The following ZNF81 variants were observed in gnomAD, a reference collection of about 807,000 sequenced individuals.
The protein encoded by ZNF81 is zinc finger protein 81.
ZNF81 carries 5 observed loss-of-function variants against 32.3 expected under a neutral mutation model. That is an observed-to-expected ratio of 0.15 (90% CI 0.08 to 0.33). The LOEUF is 0.33. Among genes scored for constraint, ZNF81 ranks in the 10% least tolerant of loss-of-function variants. The pLI is 1.00. For synonymous variants in ZNF81, 163 were observed against 166.8 expected (o/e 0.98, Z 0.17); for missense variants, 379 against 479.8 (o/e 0.79, Z 1.96).
chrX:47,854,937 T>C (rs782336669), intron 2 of ZNF81, among the ~76,000 whole-genome samples: 32 of 110,046 alleles, frequency 2.9e-4, no homozygotes, highest in Non-Finnish European at 4.9e-4. Flanking sequence ...CTACTAAAAA[T>C]ACAAAATATT....
intron 2 of ZNF81, among the ~76,000 whole-genome samples, chrX:47,876,007 A>C (rs1181862736): frequency 8.9e-6 from 1 of 111,831 alleles, no homozygotes; most frequent in East Asian, 2.8e-4. Context: ...TATGCTAGTT[A>C]ATTGCCTTTA....
intron 2 of ZNF81, among the ~76,000 whole-genome samples, chrX:47,862,764 C>T (rs181404691): frequency 6.4e-4 from 71 of 111,045 alleles, no homozygotes; most frequent in Admixed American, 1.0e-3. Context: ...GAGAGTGCCT[C>T]AGATCTGGAG....
At chrX:47,839,275 A>T (rs1363658719) in intron 1 of ZNF81, among the ~76,000 whole-genome samples, 14 of 112,050 alleles carry the variant, frequency 1.2e-4, no homozygotes, top group African/African-American at 4.5e-4. Context: ...CTTTTTGATC[A>T]TGGCTTCAAT....
chrX:47,901,096 T>TTTTGTTTTTTTATTTTTG (rs1437804684), intron 4 of ZNF81, among the ~76,000 whole-genome samples: 1 of 52,449 alleles, frequency 1.9e-5, no homozygotes, highest in Non-Finnish European at 5.0e-5. Flanking sequence ...ATCTGCCTGC[T>TTTTGTTTTTTTATTTTTG]TTTGTTTTTT....
At position 47,917,405 on chromosome X, in the gene ZNF81, C is replaced by G; in HGVS notation, c.*773C>G. The G allele has an allele frequency of 3.4e-6, 1 of 294,576 alleles. No homozygotes were observed. The highest frequency in any genetic ancestry group is 6.1e-5 in the Admixed American group (1 of 16,357). 24.3% of individuals were successfully genotyped at this position (294,576 alleles called of 1,213,427 possible). On this transcript the variant is annotated 3_prime_UTR_variant, in exon 5 of 5. Coordinates refer to ENST00000338637, the MANE Select transcript of ZNF81 (RefSeq NM_007137.5). ...ATTCCTCCCATCCCAAGTAGCGTCT[C>G]TTTGTCTACTACTTGACTTTGAACT... is the stretch of plus-strand genomic sequence containing the variant.
At chrX:47,841,087 A>G (rs2058447559) in intron 1 of ZNF81, 1 of 862,520 alleles carries the variant, frequency 1.2e-6, no homozygotes, top group Non-Finnish European at 1.7e-6. Flanking sequence ...GAAAGGGCTC[A>G]AGAACCATGA....
At chrX:47,893,614 A>T (rs1332116169) in intron 3 of ZNF81, among the ~76,000 whole-genome samples, 1 of 109,672 alleles carries the variant, frequency 9.1e-6, no homozygotes, top group Non-Finnish European at 1.9e-5. Flanking sequence ...GAAACCTAGG[A>T]GACTAACCCA....
chrX:47,849,672 CAAAAA>C (rs1174293911), intron 2 of ZNF81, among the ~76,000 whole-genome samples: 1 of 62,499 alleles, frequency 1.6e-5, no homozygotes, highest in Admixed American at 1.9e-4. Context: ...GACTCCGTCT[CAAAAA>C]AAAAAAAAAG....
intron 2 of ZNF81, among the ~76,000 whole-genome samples, chrX:47,854,406 T>A (rs2058507606): frequency 8.9e-6 from 1 of 112,422 alleles, no homozygotes; most frequent in Non-Finnish European, 1.9e-5. Flanking sequence ...ACTTTTAATT[T>A]CCTTTAAGAA....
intron 2 of ZNF81, among the ~76,000 whole-genome samples, chrX:47,867,164 A>C (rs782418353): frequency 8.9e-6 from 1 of 111,732 alleles, no homozygotes; most frequent in Admixed American, 9.5e-5. Context: ...CTTAATACCT[A>C]GGTGATGGGT....
chrX:47,877,562 G>A (rs1345699098), intron 2 of ZNF81, among the ~76,000 whole-genome samples: 4 of 111,443 alleles, frequency 3.6e-5, no homozygotes, highest in Non-Finnish European at 7.5e-5. Context: ...TGTATCGGGC[G>A]GCAAGATCAG....
chrX:47,904,615 G>T (rs1285005553), intron 4 of ZNF81, among the ~76,000 whole-genome samples: 5 of 111,346 alleles, frequency 4.5e-5, no homozygotes, highest in Non-Finnish European at 7.6e-5. Flanking sequence ...ACTGTTGGTG[G>T]GACTGTAAAC....
chrX:47,871,194 C>T (rs1432816069), intron 2 of ZNF81, among the ~76,000 whole-genome samples: 2 of 111,672 alleles, frequency 1.8e-5, no homozygotes, highest in Non-Finnish European at 3.8e-5. Context: ...AGTTGTGAAG[C>T]CTCTCATAAC....
At chrX:47,911,721 G>T in intron 4 of ZNF81, among the ~76,000 whole-genome samples, 1 of 111,473 alleles carries the variant, frequency 9.0e-6, no homozygotes. Context: ...GTTATAATTA[G>T]GAGTCTATTA....
At chrX:47,887,715 T>C in intron 2 of ZNF81, among the ~76,000 whole-genome samples, 1 of 111,401 alleles carries the variant, frequency 9.0e-6, no homozygotes, top group East Asian at 2.8e-4. Context: ...AAATTTCTCA[T>C]AAAAATGAGC....
In ZNF81 at chrX:47,923,238, G is replaced by A. The variant is rs782595375; in HGVS notation, c.*6606G>A. On this transcript the variant is annotated 3_prime_UTR_variant, in exon 5 of 5. Transcript: ENST00000338637. ...TAGATACACCTCACTTCCTGAGCCC[G>A]CACAGGTCCCCCTACAACTCTCTGT... Among the ~76,000 whole-genome samples the A allele has an allele frequency of 5.4e-5, 6 of 111,245 alleles. No homozygotes were observed. The highest frequency in any genetic ancestry group is 9.8e-5 in the African/African-American group (3 of 30,575).
intron 2 of ZNF81, among the ~76,000 whole-genome samples, chrX:47,884,954 G>T (rs926775592): frequency 8.9e-5 from 10 of 111,932 alleles, no homozygotes; most frequent in African/African-American, 2.3e-4. Context: ...AAAAAGGAAG[G>T]ATACCTCAGA....
chrX:47,879,648 G>A (rs1265139004), intron 2 of ZNF81, among the ~76,000 whole-genome samples: 2 of 112,113 alleles, frequency 1.8e-5, no homozygotes, highest in Non-Finnish European at 3.8e-5. Context: ...CCTGAAGGGA[G>A]AAATTACGTT....
intron 1 of ZNF81, among the ~76,000 whole-genome samples, chrX:47,840,125 CTCTTTT>C (rs1357721016): frequency 1.4e-5 from 1 of 73,984 alleles, no homozygotes; most frequent in Non-Finnish European, 2.5e-5. Flanking sequence ...TGTCTTCTCT[CTCTTTT>C]TTTTTTTTTT....
Sources: gnomAD v4.1 joint callset for allele counts (sites outside exome capture counted in the v4.1 genomes callset) on GRCh38, gnomAD v4.1.1 for gene constraint, MANE v1.5 for transcripts, NCBI Gene and HGNC (gene_info 2026-07-23, HGNC 2026-07-21) for gene names.